TBC1D16: variants seen among roughly 807,000 people sequenced by gnomAD.
The protein encoded by TBC1D16 is TBC1 domain family member 16.
TBC1D16 carries 58 observed loss-of-function variants against 74.7 expected under a neutral mutation model. That is an observed-to-expected ratio of 0.78 (90% CI 0.63 to 0.97). TBC1D16 has a LOEUF of 0.97. Among genes scored for constraint, TBC1D16 ranks in the 50% least tolerant of loss-of-function variants. TBC1D16 has a pLI of 0.00. For missense variants in TBC1D16, 1,014 were observed against 1,079.5 expected (o/e 0.94, Z 0.85); for synonymous variants, 493 against 474.7 (o/e 1.04, Z -0.50).
At chr17:79,953,976 A>T (rs2033213384) in intron 3 of TBC1D16, among the ~76,000 whole-genome samples, 1 of 151,984 alleles carries the variant, frequency 6.6e-6, no homozygotes, top group Non-Finnish European at 1.5e-5. Flanking sequence ...CACCATGTTG[A>T]CCAGGCTAGT....
chr17:80,018,612 TC>T (rs1172675102), intron 1 of TBC1D16, among the ~76,000 whole-genome samples: 1 of 140,570 alleles, frequency 7.1e-6, no homozygotes, highest in South Asian at 2.2e-4. Flanking sequence ...TCTTTTACAT[TC>T]TTTTTTTTTT....
At chr17:80,030,387 G>A (rs2036734377) in intron 1 of TBC1D16, among the ~76,000 whole-genome samples, 1 of 152,150 alleles carries the variant, frequency 6.6e-6, no homozygotes, top group African/African-American at 2.4e-5. Context: ...CCCTGTGAGG[G>A]CAGCGAGAAT....
At chr17:79,998,475 G>A (rs905227016) in intron 3 of TBC1D16, among the ~76,000 whole-genome samples, 2 of 151,036 alleles carry the variant, frequency 1.3e-5, no homozygotes, top group African/African-American at 4.9e-5. Flanking sequence ...CTACATGTGT[G>A]AGCCACCATG....
intron 3 of TBC1D16, among the ~76,000 whole-genome samples, chr17:79,960,542 G>C (rs1214989894): frequency 1.3e-5 from 2 of 151,954 alleles, no homozygotes; most frequent in African/African-American, 4.8e-5. Flanking sequence ...GGTCACCTGA[G>C]CTCAGGAGTT....
chr17:80,023,684 C>G (rs1218581291), intron 1 of TBC1D16, among the ~76,000 whole-genome samples: 1 of 147,026 alleles, frequency 6.8e-6, no homozygotes, highest in East Asian at 1.9e-4. Context: ...CAGGGCGTGG[C>G]TGGGGTGGCC....
rs866040958 is a variant in TBC1D16, at chr17:79,997,850, C to T, written c.779+12310G>A. Among the ~76,000 whole-genome samples, 15 of 152,170 alleles carry T rather than the reference C, an allele frequency of 9.9e-5. 1 individual carries two copies. In the South Asian group the frequency reaches 1.7e-3, roughly 17 times the overall value. On this transcript the variant is annotated intron_variant, in intron 3 of 11. Transcript: ENST00000310924. ...ACAGAATAGTGTCACTGCAGCCGGG[C>T]GCGGTGGCTCACGCCTGTAATCCCA...
At position 79,950,690 on chromosome 17, in the gene TBC1D16, G is replaced by A. The variant is rs2032986160; in HGVS notation, c.1090-112C>T. On this transcript the variant is annotated intron_variant, in intron 5 of 11. Coordinates refer to ENST00000310924, the MANE Select transcript of TBC1D16 (RefSeq NM_019020.4). This position sits in a 1 kb window ranked among gnomAD's most constrained non-coding sequence, Gnocchi z 4.6. Reference sequence around the variant, plus strand: ...TCTCTCTCTTCTGAAAGGAGGGCAAGGGCCGTCCCCTGCATACAAACCCCT... The same window carrying A: ...TCTCTCTCTTCTGAAAGGAGGGCAAAGGCCGTCCCCTGCATACAAACCCCT... 2.6e-6 allele frequency: 4 copies of A among 1,545,178 alleles called. No individual in the cohort carries two copies. The Admixed American group carries it at 5.9e-5, about 23-fold the overall frequency.
chr17:79,943,093 C>T (rs142457914), intron 10 of TBC1D16, among the ~76,000 whole-genome samples: 2 of 152,340 alleles, frequency 1.3e-5, no homozygotes, highest in Non-Finnish European at 2.9e-5. Context: ...CCAGACGGAA[C>T]GGTGTCCCCG....
In TBC1D16 at chr17:79,941,122, C is replaced by T. The variant is rs368959383; in HGVS notation, c.2056-15G>A. On this transcript the variant is annotated splice_polypyrimidine_tract_variant and intron_variant, in intron 11 of 11. Transcript: ENST00000310924. The surrounding 1 kb of genome is among the most constrained non-coding windows in gnomAD (Gnocchi z 4.3). The stretch of plus-strand genomic sequence containing the variant: ...AAACTCCTCGCCTGCAGACAGAGGA[C>T]GGGGGGTGAGGAGGGGCCGGGGGAC... The T allele has an allele frequency of 5.2e-5, 80 of 1,550,798 alleles. No homozygotes were observed. Among genetic ancestry groups the T allele is most frequent in the African/African-American group, 8.1e-5 (6 of 73,772 alleles).
In TBC1D16 at chr17:79,947,894, T is replaced by A. The variant is rs1226425545; in HGVS notation, c.1542-63A>T. ...CCTCACCGCGGCACACTGCCCAGCC[T>A]GCAGAACCCTGGGCCGTGGACCCTG... On this transcript the variant is annotated intron_variant, in intron 8 of 11. Coordinates refer to ENST00000310924, the MANE Select transcript of TBC1D16 (RefSeq NM_019020.4). The A allele has an allele frequency of 4.2e-6, 6 of 1,419,458 alleles. No individual in the cohort carries two copies. In the African/African-American group the frequency reaches 8.4e-5, roughly 20 times the overall value. 87.9% of individuals were successfully genotyped at this position (1,419,458 alleles called of 1,614,324 possible). A position where few individuals can be genotyped will look rare whatever the true frequency, so the allele number is the denominator to read the frequency against.
intron 3 of TBC1D16, among the ~76,000 whole-genome samples, chr17:79,966,722 G>A (rs948977605): frequency 1.3e-5 from 2 of 152,066 alleles, no homozygotes; most frequent in Admixed American, 6.6e-5. Flanking sequence ...TTGTATAAAA[G>A]TCATTTGTTG....
chr17:80,018,004 A>G (rs1464724016), intron 1 of TBC1D16, among the ~76,000 whole-genome samples: 1 of 152,212 alleles, frequency 6.6e-6, no homozygotes, highest in Non-Finnish European at 1.5e-5. Context: ...CACATGGAAA[A>G]GCTATGTTCT....
rs963945316 is a variant in TBC1D16, at chr17:79,954,196, C to A, written c.780-1378G>T. On this transcript the variant is annotated intron_variant, in intron 3 of 11. Transcript: ENST00000310924. The surrounding 1 kb of genome is among the most constrained non-coding windows in gnomAD (Gnocchi z 5.5). ...AGCCGCATTCACCGCACCTGCCTTC[C>A]CGTTTGAGCTCAGAACATAAACTAT... is the stretch of plus-strand genomic sequence containing the variant. Among the ~76,000 whole-genome samples, 1 of 152,200 alleles carries A rather than the reference C, an allele frequency of 6.6e-6. No homozygotes were observed. The highest frequency in any genetic ancestry group is 2.4e-5 in the African/African-American group (1 of 41,452).
chr17:79,999,533 CTTTTT>C (rs71163906), intron 3 of TBC1D16, among the ~76,000 whole-genome samples: 1 of 76,460 alleles, frequency 1.3e-5, no homozygotes, highest in African/African-American at 5.3e-5. Context: ...CCCCAAATTT[CTTTTT>C]TTTTTTTTTT....
rs1338893819 is a variant in TBC1D16, at chr17:80,001,298, CAG to C, written c.779+8860_779+8861del. 2.6e-5 allele frequency among the ~76,000 whole-genome samples: 4 copies of C among 152,238 alleles called. No individual in the cohort carries two copies. Among genetic ancestry groups the C allele is most frequent in the Admixed American group, 2.6e-4 (4 of 15,288 alleles). Reference sequence around the variant, plus strand: ...GTCTGGGGGAGGGAGGAACGCCACACAGAGCCTGCCAAGTGCTACAGAAACAA... The same window carrying C: ...GTCTGGGGGAGGGAGGAACGCCACACAGCCTGCCAAGTGCTACAGAAACAA... On this transcript the variant is annotated intron_variant, in intron 3 of 11. Coordinates refer to ENST00000310924, the MANE Select transcript of TBC1D16 (RefSeq NM_019020.4). This position sits in a 1 kb window ranked among gnomAD's most constrained non-coding sequence, Gnocchi z 5.8.
chr17:79,945,033 C>T lies in TBC1D16; in HGVS notation c.1783G>A (p.Val595Ile), dbSNP rs1409381883. The change falls in exon 10 of 12, where the codon GTC becomes ATC. Residue 595 changes from valine to isoleucine, a missense_variant. Physicochemically the swap from Val to Ile is conservative, Grantham distance 29. Transcript: ENST00000310924. The stretch of plus-strand genomic sequence containing the variant: ...TGCAGGCCGTCCTCGCCCAGCGAGA[C>T]CAGGTGCTGGTAGAAGCGCACGTGC... ...LTHVRFYQHL[V>I]SLGEDGLQML... is the part of the protein sequence containing the mutation. 6.3e-7 allele frequency: 1 copy of T among 1,584,578 alleles called. No individual in the cohort carries two copies. The highest frequency in any genetic ancestry group is 8.6e-7 in the Non-Finnish European group (1 of 1,166,718).
In TBC1D16 at chr17:80,019,952, G is replaced by A. The variant is rs1198125647; in HGVS notation, c.-62-6343C>T. ...TGAAGTCTTAAACCCCAGTACCCAA[G>A]AATGAAACTGTTTTTGAAGACAGCA... On this transcript the variant is annotated intron_variant, in intron 1 of 11. Transcript: ENST00000310924. Among the ~76,000 whole-genome samples the A allele has an allele frequency of 3.3e-5, 5 of 149,934 alleles. 2 individuals are homozygous for A. The highest frequency in any genetic ancestry group is 1.3e-4 in the African/African-American group (5 of 39,346).
rs777460647 is a variant in TBC1D16 at position 79,951,631 on chromosome 17, C to T, written c.942-34G>A. 1.0e-5 allele frequency: 16 copies of T among 1,601,572 alleles called. No individual in the cohort carries two copies. The East Asian group carries it at 1.6e-4, about 16-fold the overall frequency. On this transcript the variant is annotated intron_variant, in intron 4 of 11. Coordinates refer to ENST00000310924, the MANE Select transcript of TBC1D16 (RefSeq NM_019020.4). ...CCATTGGAAGGGGGAGAGGGAAGCC[C>T]GATGAATATGTAAACACGGGGGTTT... is the stretch of plus-strand genomic sequence containing the variant.
At position 79,950,013 on chromosome 17, in the gene TBC1D16, G is replaced by T; in HGVS notation, c.1258-148C>A. 2.8e-6 allele frequency: 3 copies of T among 1,058,162 alleles called. No homozygotes were observed. Among genetic ancestry groups the T allele is most frequent in the Non-Finnish European group, 4.0e-6 (3 of 745,506 alleles). 65.5% of individuals were successfully genotyped at this position (1,058,162 alleles called of 1,614,324 possible). A position where few individuals can be genotyped will look rare whatever the true frequency, so the allele number is the denominator to read the frequency against. On this transcript the variant is annotated intron_variant, in intron 6 of 11. Transcript: ENST00000310924. This position sits in a 1 kb window ranked among gnomAD's most constrained non-coding sequence, Gnocchi z 4.6. ...CACATATTTACAAGGGGAAAGCAGT[G>T]GCCTTCAATTCCCATACAGGACACA...
Sources: gnomAD v4.1 joint callset for allele counts (sites outside exome capture counted in the v4.1 genomes callset) on GRCh38, gnomAD v4.1.1 for gene constraint, Gnocchi (gnomAD v3.1) non-coding constraint, MANE v1.5 for transcripts, NCBI Gene and HGNC (gene_info 2026-07-23, HGNC 2026-07-21) for gene names.